Variants in IKZF3 observed in about 807,000 individuals in gnomAD.
The protein encoded by IKZF3 is zinc finger protein Aiolos.
A neutral mutation model predicts 49.0 loss-of-function variants in IKZF3; 10 were observed. The observed-to-expected ratio is 0.20, with a 90% confidence interval of 0.13 to 0.35. The LOEUF (loss-of-function observed/expected upper bound fraction) is 0.35. IKZF3 is among the 10% of genes least tolerant of loss of function. IKZF3 has a pLI of 1.00. For synonymous variants in IKZF3, 209 were observed against 228.2 expected, an observed-to-expected ratio of 0.92 and a Z score of 0.76; for missense variants, 498 against 664.8, an observed-to-expected ratio of 0.75 and a Z score of 2.76.
intron 3 of IKZF3, among the ~76,000 whole-genome samples, chr17:39,823,844 G>A (rs1338536248): frequency 6.6e-6 from 1 of 152,240 alleles, no homozygotes; most frequent in African/African-American, 2.4e-5. Context: ...CGGATGTCCA[G>A]ACAGAAGTTC....
intron 1 of IKZF3, among the ~76,000 whole-genome samples, chr17:39,842,398 G>A (rs564286198): frequency 6.4e-4 from 98 of 152,172 alleles, no homozygotes; most frequent in Admixed American, 5.9e-4. Flanking sequence ...GCATGGTGGC[G>A]CATGCCTGTA....
At chr17:39,806,051 T>C (rs2061425746) in intron 3 of IKZF3, among the ~76,000 whole-genome samples, 2 of 152,240 alleles carry the variant, frequency 1.3e-5, no homozygotes, top group Admixed American at 1.3e-4. Context: ...AAGTTTCTGA[T>C]AAAAGAGCAT....
intron 3 of IKZF3, among the ~76,000 whole-genome samples, chr17:39,798,178 C>A (rs2061221422): frequency 6.6e-6 from 1 of 152,136 alleles, no homozygotes; most frequent in Admixed American, 6.6e-5. Flanking sequence ...ATTGCTGTAG[C>A]CCCCGCACTG....
At chr17:39,864,010 A>AAAAGAAGT (rs768028528) in intron 1 of IKZF3, 110 bp downstream of exon 1, 273 of 1,420,172 alleles carry the variant, frequency 1.9e-4, no homozygotes, top group Non-Finnish European at 2.6e-4. Flanking sequence ...TACTTTTGAC[A>AAAAGAAGT]AAAGAAGTAA....
chr17:39,861,167 GTC>G (rs1568081084), intron 1 of IKZF3, among the ~76,000 whole-genome samples: 2 of 152,218 alleles, frequency 1.3e-5, no homozygotes, highest in African/African-American at 4.8e-5. Flanking sequence ...ACAAGACACA[GTC>G]TCTGTTCTCC....
chr17:39,788,521 T>C (rs1361398878), intron 5 of IKZF3, 147 bp from the exon 6 acceptor site: 1 of 594,836 alleles, frequency 1.7e-6, no homozygotes, highest in East Asian at 2.7e-5. Context: ...TATTTTAAAT[T>C]TGGTAAGCTT....
chr17:39,782,449 G>A (rs1453876495), intron 6 of IKZF3, among the ~76,000 whole-genome samples: 1 of 151,862 alleles, frequency 6.6e-6, no homozygotes, highest in African/African-American at 2.4e-5. Flanking sequence ...CATACACAAA[G>A]AAATGCTTTG....
At chr17:39,837,739 T>A (rs9898464) in intron 1 of IKZF3, among the ~76,000 whole-genome samples, 1 of 151,860 alleles carries the variant, frequency 6.6e-6, no homozygotes, top group African/African-American at 2.4e-5. Context: ...CCCAGGTTCA[T>A]GCCATTCTCC....
chr17:39,808,199 T>G (rs1004828885), intron 3 of IKZF3, among the ~76,000 whole-genome samples: 5 of 152,164 alleles, frequency 3.3e-5, no homozygotes, highest in African/African-American at 1.2e-4. Flanking sequence ...TATGATTACT[T>G]CCATATGACA....
intron 7 of IKZF3, among the ~76,000 whole-genome samples, chr17:39,776,081 T>C (rs578121379): frequency 1.3e-5 from 2 of 152,186 alleles, no homozygotes; most frequent in East Asian, 1.9e-4. Context: ...GGAGACTCTA[T>C]CTCTACAAAA....
At chr17:39,853,290 C>A (rs1010747753) in intron 1 of IKZF3, among the ~76,000 whole-genome samples, 1 of 151,880 alleles carries the variant, frequency 6.6e-6, no homozygotes, top group African/African-American at 2.4e-5. Flanking sequence ...AGTTTTAGAA[C>A]GAAGAATGAA....
At chr17:39,842,401 T>C (rs1448603080) in intron 1 of IKZF3, among the ~76,000 whole-genome samples, 1 of 152,208 alleles carries the variant, frequency 6.6e-6, no homozygotes, top group Non-Finnish European at 1.5e-5. Flanking sequence ...TGGTGGCGCA[T>C]GCCTGTAGTA....
chr17:39,767,573 T>C (rs976775185), intron 7 of IKZF3, among the ~76,000 whole-genome samples: 1 of 152,110 alleles, frequency 6.6e-6, no homozygotes, highest in Non-Finnish European at 1.5e-5. Context: ...TCTATAATGT[T>C]TCCTAGTCAT....
intron 3 of IKZF3, among the ~76,000 whole-genome samples, chr17:39,812,297 C>T (rs369406866): frequency 9.2e-5 from 14 of 152,254 alleles, no homozygotes; most frequent in South Asian, 4.1e-4. Flanking sequence ...CAAAACAGAA[C>T]ACCCAAAACC....
chr17:39,803,755 C>T (rs575748923), intron 3 of IKZF3, among the ~76,000 whole-genome samples: 9 of 152,238 alleles, frequency 5.9e-5, no homozygotes, highest in East Asian at 5.8e-4. Context: ...TCAGATGATC[C>T]GCCCACCTCG....
intron 6 of IKZF3, among the ~76,000 whole-genome samples, chr17:39,787,005 T>G (rs1179006304): frequency 6.6e-6 from 1 of 152,232 alleles, no homozygotes; most frequent in East Asian, 1.9e-4. Context: ...AGGTAGTCAT[T>G]TCTACTCCAT....
At position 39,818,876 on chromosome 17, in the gene IKZF3, C is replaced by T. The variant is rs150358009; in HGVS notation, c.163+10511G>A. 6.6e-5 allele frequency among the ~76,000 whole-genome samples: 10 copies of T among 152,182 alleles called. No individual in the cohort carries two copies. In the East Asian group the frequency reaches 1.7e-3, roughly 26 times the overall value. ...AAAAACAAAACAACAACAAAATTAG[C>T]GTATTCATTTCTTTCTGAATGAAGC... On this transcript the variant is annotated intron_variant, in intron 3 of 7. Transcript: ENST00000346872.
In IKZF3 at chr17:39,791,646, T is replaced by G. The variant is rs1053669744; in HGVS notation, c.425-63A>C. 4 of 1,505,122 alleles carry G rather than the reference T, an allele frequency of 2.7e-6. No individual in the cohort carries two copies. In the African/African-American group the frequency reaches 4.2e-5, roughly 16 times the overall value. The allele number at this position is 1,505,122 out of a possible 1,614,324, so 93.2% of individuals were successfully genotyped here. On this transcript the variant is annotated intron_variant, in intron 4 of 7. Transcript: ENST00000346872. Reference sequence around the variant, plus strand: ...GCAAGTGGAGAAACATATGCACAGATTAGATGCCTAGGGGAAAAGCTCATC... The same window carrying G: ...GCAAGTGGAGAAACATATGCACAGAGTAGATGCCTAGGGGAAAAGCTCATC...
intron 3 of IKZF3, among the ~76,000 whole-genome samples, chr17:39,795,627 G>A (rs1345235110): frequency 2.1e-4 from 32 of 151,464 alleles, no homozygotes; most frequent in Admixed American, 1.5e-3. Flanking sequence ...GGCTGGTCTC[G>A]AACTCCTGAC....
Sources: gnomAD v4.1 joint callset for allele counts (sites outside exome capture counted in the v4.1 genomes callset) on GRCh38, gnomAD v4.1.1 for gene constraint, MANE v1.5 for transcripts, NCBI Gene and HGNC (gene_info 2026-07-23, HGNC 2026-07-21) for gene names.